Variants in AACS observed in about 807,000 individuals in gnomAD.
The protein encoded by AACS is acetoacetate-CoA ligase.
Under a neutral mutation model 83.1 loss-of-function variants are expected in AACS, and 69 were observed. The ratio of observed to expected loss-of-function variants is 0.83; its 90% confidence interval spans 0.68 to 1.01. The LOEUF is 1.01. Among genes scored for constraint, AACS ranks in the 50% least tolerant of loss-of-function variants. AACS has a pLI of 0.00. For synonymous variants in AACS, 333 were observed against 343.4 expected, an observed-to-expected ratio of 0.97 and a Z score of 0.33; for missense variants, 866 against 882.2, an observed-to-expected ratio of 0.98 and a Z score of 0.23.
chr12:125,087,074 G>C (rs1956355914), intron 4 of AACS, among the ~76,000 whole-genome samples: 1 of 152,134 alleles, frequency 6.6e-6, no homozygotes, highest in Non-Finnish European at 1.5e-5. Flanking sequence ...AGGTGGGGCA[G>C]GTGCCCAGGT....
At chr12:125,141,552 C>T (rs1232636218) in intron 17 of AACS, 1 of 152,624 alleles carries the variant, frequency 6.6e-6, no homozygotes, top group African/African-American at 2.4e-5. Flanking sequence ...AAAAAATTAG[C>T]TGGGCGTGGT....
At chr12:125,128,604 A>G (rs78857905) in intron 13 of AACS, 5,404 of 195,670 alleles carry the variant, frequency 0.028, 315 homozygotes, top group African/African-American at 0.12. Flanking sequence ...GCTTCTGAGA[A>G]CCTGGTCATT....
intron 5 of AACS, among the ~76,000 whole-genome samples, chr12:125,093,507 T>C (rs376916197): frequency 5.8e-4 from 89 of 152,376 alleles, no homozygotes; most frequent in African/African-American, 2.0e-3. Context: ...TGCATGGCTC[T>C]GTAGCAAACA....
intron 14 of AACS, 38 bp from the exon 15 acceptor site, chr12:125,133,965 C>T: frequency 1.2e-6 from 2 of 1,611,848 alleles, no homozygotes; most frequent in Non-Finnish European, 1.7e-6. Context: ...ATGGCCCCTT[C>T]TCCTCGGGAT....
At chr12:125,086,507 A>C in intron 4 of AACS, 64 bp downstream of exon 4, 1 of 1,456,492 alleles carries the variant, frequency 6.9e-7, no homozygotes, top group Non-Finnish European at 9.6e-7. Flanking sequence ...GGTGATGTGA[A>C]GGTCAAGACG....
intron 3 of AACS, among the ~76,000 whole-genome samples, chr12:125,080,322 C>T (rs1956140733): frequency 1.3e-5 from 2 of 152,124 alleles, no homozygotes; most frequent in African/African-American, 4.8e-5. Flanking sequence ...AAATGTGAAT[C>T]CTTAAAAAAA....
intron 8 of AACS, among the ~76,000 whole-genome samples, chr12:125,110,848 T>C (rs187895499): frequency 1.2e-4 from 18 of 152,310 alleles, no homozygotes; most frequent in Non-Finnish European, 1.6e-4. Flanking sequence ...AATATTTACA[T>C]TGGAATCATT....
In AACS at chr12:125,091,460, G is replaced by A. The variant is rs375449037; in HGVS notation, c.507G>A (p.Ala169=). ...CCAACAGTGAGCACGCTGTCGAGGCGATGCTGGCTGCGGCAAGCATTGGTG... is the reference window on the plus strand; with the variant it reads ...CCAACAGTGAGCACGCTGTCGAGGCAATGCTGGCTGCGGCAAGCATTGGTG... ...YLPNSEHAVE[A]MLAAASIGAI... is the part of the protein sequence containing the mutation. Residue 169 remains alanine, a synonymous_variant, in exon 5 of 18, where the codon GCG becomes GCA. Transcript: ENST00000316519. 22 of 1,614,120 alleles carry A rather than the reference G, an allele frequency of 1.4e-5. No individual in the cohort carries two copies. The highest frequency in any genetic ancestry group is 1.6e-5 in the Non-Finnish European group (19 of 1,180,056).
chr12:125,119,660 C>T (rs755351015), intron 10 of AACS, among the ~76,000 whole-genome samples: 20 of 152,186 alleles, frequency 1.3e-4, no homozygotes, highest in Admixed American at 7.9e-4. Context: ...AAACCTGCCT[C>T]CATGATTCAA....
At position 125,094,541 on chromosome 12, in the gene AACS, G is replaced by A. The variant is rs1202710857; in HGVS notation, c.570+3018G>A. On this transcript the variant is annotated intron_variant, in intron 5 of 17. Coordinates refer to ENST00000316519, the MANE Select transcript of AACS (RefSeq NM_023928.5). The surrounding 1 kb of genome is among the most constrained non-coding windows in gnomAD (Gnocchi z 4.1). The stretch of plus-strand genomic sequence containing the variant: ...CCTCTCTGCTGCAGAGCCACAGACC[G>A]CAGTGGGCTGTCCAGGGAGTGCTGG... Among the ~76,000 whole-genome samples the A allele has an allele frequency of 1.3e-5, 2 of 152,098 alleles. No individual in the cohort carries two copies. The highest frequency in any genetic ancestry group is 4.8e-5 in the African/African-American group (2 of 41,408).
At chr12:125,067,559 G>A (rs1955736611) in intron 1 of AACS, among the ~76,000 whole-genome samples, 1 of 150,160 alleles carries the variant, frequency 6.7e-6, no homozygotes, top group Admixed American at 6.6e-5. Flanking sequence ...TTTTTTTTAA[G>A]CCTCGCTTTT....
Position 125,136,798 on chromosome 12 carries a change from C to G in AACS, c.1815C>G (p.Asp605Glu), listed in dbSNP as rs758527529. 1.9e-6 allele frequency: 3 copies of G among 1,613,978 alleles called. No homozygotes were observed. Among genetic ancestry groups the G allele is most frequent in the African/African-American group, 1.3e-5 (1 of 74,926 alleles). ...CTGACTTGGTTAAGAGGATCCGTGA[C>G]GCCATCCGCATGGGCTTGTCTGCGC... ...FQPDLVKRIRDAIRMGLSARH... is the reference protein window; with the variant it reads ...FQPDLVKRIREAIRMGLSARH... Residue 605 changes from aspartate to glutamate, a missense_variant, in exon 17 of 18, where the codon GAC becomes GAG. Physicochemically the swap from Asp to Glu is conservative, Grantham distance 45. Transcript: ENST00000316519.
intron 8 of AACS, among the ~76,000 whole-genome samples, chr12:125,110,170 C>T (rs112347689): frequency 0.067 from 9,930 of 147,564 alleles, 479 homozygotes; most frequent in Middle Eastern, 0.1. Context: ...TAGGCGCCCG[C>T]GACCACGGCC....
intron 1 of AACS, among the ~76,000 whole-genome samples, chr12:125,071,010 G>A (rs1594565870): frequency 6.6e-6 from 1 of 152,248 alleles, no homozygotes; most frequent in Non-Finnish European, 1.5e-5. Context: ...TATCACCTCT[G>A]AGTTTCTGTG....
chr12:125,117,270 C>T (rs550730257), intron 9 of AACS, among the ~76,000 whole-genome samples: 3 of 151,618 alleles, frequency 2.0e-5, no homozygotes, highest in African/African-American at 7.2e-5. Context: ...AAAAGTTAGC[C>T]GGGTGTGGTG....
chr12:125,086,458 T>C lies in AACS; in HGVS notation c.472+15T>C. On this transcript the variant is annotated intron_variant, in intron 4 of 17. Coordinates refer to ENST00000316519, the MANE Select transcript of AACS (RefSeq NM_023928.5). ...TCGGGTTGTTGGTAAGTATTTTGGG[T>C]GCTGGTGATGGTTTGAGGGAGGAGA... The C allele has an allele frequency of 6.2e-7, 1 of 1,612,898 alleles. No individual in the cohort carries two copies.
chr12:125,111,587 T>C (rs541509871), intron 8 of AACS, among the ~76,000 whole-genome samples: 12 of 152,346 alleles, frequency 7.9e-5, no homozygotes, highest in African/African-American at 2.9e-4. Flanking sequence ...TAGAGTTATC[T>C]TGACTACAAA....
chr12:125,083,169 T>G (rs998784750), intron 3 of AACS, among the ~76,000 whole-genome samples: 3 of 152,226 alleles, frequency 2.0e-5, no homozygotes, highest in Non-Finnish European at 4.4e-5. Flanking sequence ...TCTGAAGGCT[T>G]GACTGAGGCT....
rs773372042 is a variant in AACS at position 125,142,134 on chromosome 12, A to T, written c.1924A>T (p.Ile642Phe). 11 of 1,613,920 alleles carry T rather than the reference A, an allele frequency of 6.8e-6. No homozygotes were observed. The Admixed American group carries it at 1.0e-4, about 15-fold the overall frequency. ...GKKVEVAVKQ[I>F]IAGKAVEQGG... ...GAAAGTGGAAGTTGCCGTCAAACAG[A>T]TCATCGCTGGAAAAGCCGTGGAGCA... Residue 642 changes from isoleucine (I) to phenylalanine (F), a missense_variant, in exon 18 of 18, where the codon ATC becomes TTC. Ile to Phe is a conservative substitution (Grantham distance 21). Coordinates refer to ENST00000316519, the MANE Select transcript of AACS (RefSeq NM_023928.5).
Sources: allele counts gnomAD v4.1 joint callset (sites outside exome capture counted in the v4.1 genomes callset), GRCh38; gene constraint gnomAD v4.1.1; non-coding constraint Gnocchi (gnomAD v3.1); transcripts MANE v1.5; gene names NCBI Gene and HGNC (gene_info 2026-07-23, HGNC 2026-07-21).